TEX9: variants seen among roughly 807,000 people sequenced by gnomAD.
The protein encoded by TEX9 is testis expressed 9.
Under a neutral mutation model 59.6 loss-of-function variants are expected in TEX9, and 74 were observed. The ratio of observed to expected loss-of-function variants is 1.24; its 90% CI spans 1.03 to 1.51. TEX9 has a LOEUF of 1.51. Ranked by LOEUF, TEX9 falls within the 40% of genes most tolerant of loss-of-function variation. The pLI is 0.00. For missense variants in TEX9, 522 were observed against 447.8 expected (o/e 1.17, Z -1.49); for synonymous variants, 186 against 152.2 (o/e 1.22, Z -1.64).
intron 7 of TEX9, 40 bp downstream of exon 7, chr15:56,391,458 C>A: frequency 7.7e-7 from 1 of 1,304,256 alleles, no homozygotes; most frequent in Non-Finnish European, 1.0e-6. Context: ...CTTTATAGCA[C>A]AGTTACTTAG....
chr15:56,316,612 C>T (rs375215843), intron 1 of TEX9, among the ~76,000 whole-genome samples: 87 of 152,174 alleles, frequency 5.7e-4, no homozygotes, highest in East Asian at 3.1e-3. Context: ...TGTTTGTCTG[C>T]GCCCTGCCCC....
At chr15:56,426,618 T>TATATATATATAG (rs2050279086) in intron 10 of TEX9, among the ~76,000 whole-genome samples, 3 of 49,130 alleles carry the variant, frequency 6.1e-5, no homozygotes, top group Non-Finnish European at 1.3e-4. Flanking sequence ...TATATATATA[T>TATATATATATAG]ATATATATAC....
chr15:56,328,883 G>A (rs1192851758), intron 1 of TEX9, among the ~76,000 whole-genome samples: 1 of 152,172 alleles, frequency 6.6e-6, no homozygotes, highest in African/African-American at 2.4e-5. Context: ...AAGGACAGAC[G>A]CCTGGCTGGC....
At chr15:56,451,858 A>G in the TEX9 span, among the ~76,000 whole-genome samples, 517 of 152,312 alleles carry the variant, frequency 3.4e-3, 5 homozygotes, top group African/African-American at 0.011. Context: ...TAAATACCTA[A>G]GCATATAAAG....
chr15:56,258,991 A>T (rs1043457251), intron 1 of TEX9, among the ~76,000 whole-genome samples: 4 of 151,584 alleles, frequency 2.6e-5, no homozygotes, highest in Non-Finnish European at 5.9e-5. Context: ...ATCTTCTACT[A>T]AACTATGTCT....
At chr15:56,355,553 A>C (rs1335654120) in intron 1 of TEX9, among the ~76,000 whole-genome samples, 1 of 152,136 alleles carries the variant, frequency 6.6e-6, no homozygotes, top group Non-Finnish European at 1.5e-5. Context: ...ATTCTTCAAC[A>C]TTGCTATTCT....
At chr15:56,329,924 T>G (rs1946364) in intron 1 of TEX9, among the ~76,000 whole-genome samples, 79,609 of 151,572 alleles carry the variant, frequency 0.53, 21,065 homozygotes, top group Non-Finnish European at 0.55. Flanking sequence ...TACAAGAAGG[T>G]TATAGAACAC....
chr15:56,383,226 C>T (rs2047812486), intron 3 of TEX9, among the ~76,000 whole-genome samples: 1 of 152,212 alleles, frequency 6.6e-6, no homozygotes, highest in African/African-American at 2.4e-5. Flanking sequence ...TGTCCCTCCC[C>T]TAAGTGCACA....
upstream of TEX9, among the ~76,000 whole-genome samples, chr15:56,363,268 CTTT>C (rs749991135): frequency 7.0e-6 from 1 of 142,802 alleles, no homozygotes; most frequent in Admixed American, 7.0e-5. Flanking sequence ...ATTGTCCATC[CTTT>C]TTTTTTTTTT....
chr15:56,280,130 G>A (rs2682069), intron 1 of TEX9, among the ~76,000 whole-genome samples: 4,814 of 152,294 alleles, frequency 0.032, 188 homozygotes, highest in East Asian at 0.095. Flanking sequence ...ATGATGTTCA[G>A]TAAGTTAATT....
chr15:56,372,607 A>G lies in TEX9; in HGVS notation c.120-834A>G, dbSNP rs569300074. Among the ~76,000 whole-genome samples the G allele has an allele frequency of 4.6e-5, 7 of 152,324 alleles. No homozygotes were observed. In the East Asian group the frequency reaches 9.6e-4, roughly 21 times the overall value. On this transcript the variant is annotated intron_variant, in intron 2 of 12. Coordinates refer to ENST00000352903, the Ensembl canonical transcript of TEX9. Reference sequence around the variant, plus strand: ...CAATTTAATCGTATAGCAGTTTAACATGCTTCTAAAGATTACGTGAAGATA... The same window carrying G: ...CAATTTAATCGTATAGCAGTTTAACGTGCTTCTAAAGATTACGTGAAGATA...
chr15:56,308,298 T>C (rs2045528829), intron 1 of TEX9, among the ~76,000 whole-genome samples: 1 of 152,190 alleles, frequency 6.6e-6, no homozygotes, highest in Non-Finnish European at 1.5e-5. Context: ...TCATTGTCAT[T>C]CAGTTTGCAT....
chr15:56,352,146 G>A lies in TEX9; in HGVS notation c.-106-21295G>A, dbSNP rs558857192. 2.0e-5 allele frequency among the ~76,000 whole-genome samples: 3 copies of A among 152,300 alleles called. No homozygotes were observed. In the South Asian group the frequency reaches 6.2e-4, roughly 32 times the overall value. ...ACTTTGTGAATGAACTTCATTTCCA[G>A]GAATTTGGCATGTGCAATTTTAGAA... is the stretch of plus-strand genomic sequence containing the variant. On this transcript the variant is annotated intron_variant, in intron 1 of 5. Transcript: ENST00000560827.
At chr15:56,248,351 G>A (rs905851668) in intron 1 of TEX9, among the ~76,000 whole-genome samples, 1 of 152,176 alleles carries the variant, frequency 6.6e-6, no homozygotes, top group Admixed American at 6.5e-5. Context: ...TTAAAACAAT[G>A]TATAGCCCAG....
chr15:56,447,075 G>A (rs2050910922), downstream of TEX9: 1 of 627,772 alleles, frequency 1.6e-6, no homozygotes, highest in South Asian at 2.1e-5. Flanking sequence ...AGATCCATAG[G>A]AGAAATAATT....
chr15:56,379,908 C>CTA lies in TEX9; in HGVS notation c.184-4034_184-4033dup, dbSNP rs1373510752. Among the ~76,000 whole-genome samples the CTA allele has an allele frequency of 4.0e-5, 6 of 148,880 alleles. No homozygotes were observed. In the East Asian group the frequency reaches 5.9e-4, roughly 15 times the overall value. The stretch of plus-strand genomic sequence containing the variant: ...TTTTTCTACCCTTTTTATTTTCAGT[C>CTA]TATATATATATCTTTATTAAGTAAA... On this transcript the variant is annotated intron_variant, in intron 3 of 12. Coordinates refer to ENST00000352903, the Ensembl canonical transcript of TEX9.
chr15:56,257,054 C>T (rs1412428638), intron 1 of TEX9, among the ~76,000 whole-genome samples: 1 of 152,038 alleles, frequency 6.6e-6, no homozygotes, highest in Admixed American at 6.6e-5. Context: ...TTTTCTGTTC[C>T]TGCGTTAGTT....
chr15:56,272,867 T>A (rs1469979507), intron 1 of TEX9, among the ~76,000 whole-genome samples: 1 of 152,146 alleles, frequency 6.6e-6, no homozygotes, highest in African/African-American at 2.4e-5. Context: ...ATTTGTCCTT[T>A]ATTCTCTTTC....
chr15:56,374,520 G>A (rs2047337145), intron 3 of TEX9: 1 of 152,076 alleles, frequency 6.6e-6, no homozygotes, highest in Non-Finnish European at 1.5e-5. Flanking sequence ...ATCCCCTCAA[G>A]TATTTATCCT....
Sources: gnomAD v4.1 joint callset for allele counts (sites outside exome capture counted in the v4.1 genomes callset) on GRCh38, gnomAD v4.1.1 for gene constraint, MANE v1.5 for transcripts, NCBI Gene and HGNC (gene_info 2026-07-23, HGNC 2026-07-21) for gene names.